PATJ: variants seen among roughly 807,000 people sequenced by gnomAD.
The protein encoded by PATJ is inaD-like protein.
PATJ carries 190 observed loss-of-function variants against 224.9 expected under a neutral mutation model. The observed-to-expected ratio is 0.84, with a 90% confidence interval of 0.75 to 0.95. PATJ has a LOEUF of 0.95. Ranked by LOEUF, PATJ falls within the 40% of genes least tolerant of loss-of-function variation. The pLI is 0.00. For missense variants in PATJ, 2,121 were observed against 2,270.3 expected (o/e 0.93, Z 1.34); for synonymous variants, 769 against 820.3 (o/e 0.94, Z 1.07).
chr1:61,954,371 A>G (rs1680133779), intron 27 of PATJ, among the ~76,000 whole-genome samples: 1 of 152,102 alleles, frequency 6.6e-6, no homozygotes, highest in South Asian at 2.1e-4. Context: ...TCTGTAGAGA[A>G]TTTACCTTTT....
At chr1:61,777,703 CTTTTTTTTTTTTTTT>C (rs66470863) in intron 7 of PATJ, among the ~76,000 whole-genome samples, 1 of 48,746 alleles carries the variant, frequency 2.1e-5, no homozygotes, top group Non-Finnish European at 3.2e-5. Context: ...TTCTTTCTTT[CTTTTTTTTTTTTTTT>C]TTTTTTTTTA....
At chr1:62,148,621 C>T (rs546779297) in intron 42 of PATJ, among the ~76,000 whole-genome samples, 129 of 152,288 alleles carry the variant, frequency 8.5e-4, no homozygotes, top group African/African-American at 3.1e-3. Context: ...TGACACAGTG[C>T]CTATGCCTGC....
intron 27 of PATJ, chr1:61,952,361 A>C: frequency 7.0e-6 from 5 of 715,094 alleles, no homozygotes; most frequent in Non-Finnish European, 1.3e-5. Context: ...ATTTGTCAGG[A>C]ATGCAGATAC....
In PATJ at chr1:61,761,315, C is replaced by T. The variant is rs76727894; in HGVS notation, c.-35-1543C>T. ...GATAAGTATATACATCTGTGTAAAC[C>T]ATACCCCCTTCAAGACACAATGTGT... On this transcript the variant is annotated intron_variant, in intron 1 of 43. Transcript: ENST00000642238. 3.3e-5 allele frequency among the ~76,000 whole-genome samples: 5 copies of T among 152,066 alleles called. No individual in the cohort carries two copies. In the South Asian group the frequency reaches 1.0e-3, roughly 32 times the overall value.
chr1:61,838,360 C>CTT (rs1286421381), intron 17 of PATJ, among the ~76,000 whole-genome samples: 7 of 143,046 alleles, frequency 4.9e-5, no homozygotes, highest in African/African-American at 1.3e-4. Context: ...TACTCTGTTT[C>CTT]TTTTTTTTTT....
At chr1:62,070,910 G>C (rs1657274468) in intron 31 of PATJ, among the ~76,000 whole-genome samples, 1 of 152,132 alleles carries the variant, frequency 6.6e-6, no homozygotes, top group African/African-American at 2.4e-5. Context: ...TAAGGACATA[G>C]GATGAGATTG....
Position 61,908,257 on chromosome 1 carries a change from C to G in PATJ, c.3382-115C>G, listed in dbSNP as rs190671217. 2.9e-5 allele frequency: 19 copies of G among 664,212 alleles called. No homozygotes were observed. In the Admixed American group the frequency reaches 4.0e-4, roughly 14 times the overall value. The allele number at this position is 664,212 out of a possible 1,614,324, so 41.1% of individuals were successfully genotyped here. A position where few individuals can be genotyped will look rare whatever the true frequency, so the allele number is the denominator to read the frequency against. On this transcript the variant is annotated intron_variant, in intron 24 of 43. Transcript: ENST00000642238. ...GCCAATCTTATTTTTTTCTGACCGT[C>G]TACTCATTAGACTCTGGTTGTTCTT... is the stretch of plus-strand genomic sequence containing the variant.
chr1:61,903,913 C>G (rs776997761), intron 24 of PATJ, among the ~76,000 whole-genome samples: 1 of 151,884 alleles, frequency 6.6e-6, no homozygotes, highest in African/African-American at 2.4e-5. Flanking sequence ...GCTAGGATTA[C>G]AGGCACCCAC....
chr1:62,038,672 T>G, intron 30 of PATJ: 1 of 252,254 alleles, frequency 4.0e-6, no homozygotes, highest in Non-Finnish European at 7.7e-6. Context: ...CCTAAGGAAG[T>G]TAACGTTCAC....
intron 29 of PATJ, among the ~76,000 whole-genome samples, chr1:62,025,848 G>C (rs984570478): frequency 1.3e-5 from 2 of 152,034 alleles, no homozygotes; most frequent in African/African-American, 4.8e-5. Context: ...TAAATAAAAG[G>C]CTCTCTTTGA....
rs1558191151 is a variant in PATJ, at chr1:62,116,665, GC to G, written c.4791del (p.Thr1598ProfsTer12). ...DMRNASQETVATILKCAQGLV... is the reference protein window; with the variant it reads ...DMRNASQETVXTILKCAQGLV... Reference sequence around the variant, plus strand: ...GAGAAATGCCTCACAGGAGACAGTGGCCACCATCCTCAAGGTGAGTTGCTAG... The same window carrying G: ...GAGAAATGCCTCACAGGAGACAGTGGCACCATCCTCAAGGTGAGTTGCTAG... On this transcript the variant is annotated frameshift_variant, in exon 36 of 44. Transcript: ENST00000642238. LOFTEE classifies it high-confidence loss of function. 6.2e-7 allele frequency: 1 copy of G among 1,610,130 alleles called. No homozygotes were observed. Among genetic ancestry groups the G allele is most frequent in the East Asian group, 2.2e-5 (1 of 44,824 alleles).
rs760506938 is a variant in PATJ at position 62,079,565 on chromosome 1, A to G, written c.4241A>G (p.Tyr1414Cys). 9 of 1,574,798 alleles carry G rather than the reference A, an allele frequency of 5.7e-6. No homozygotes were observed. The highest frequency in any genetic ancestry group is 3.3e-5 in the South Asian group (3 of 89,926). The change falls in exon 32 of 44, where the codon TAT (tyrosine) becomes TGT (cysteine). Residue 1414 changes from tyrosine (Y) to cysteine (C), a missense_variant and splice_region_variant. By Grantham distance (194) the Tyr-to-Cys change is radical. Transcript: ENST00000642238. ...YHSTDADFTG[Y>C]GGFQAPLSVD... ...TCAACAGATGCAGACTTCACAGGCT[A>G]TGGTATGATTCTTTCTCTCAGCAGA...
chr1:61,989,329 A>G (rs1316927030), intron 27 of PATJ, among the ~76,000 whole-genome samples: 1 of 152,234 alleles, frequency 6.6e-6, no homozygotes, highest in Non-Finnish European at 1.5e-5. Flanking sequence ...CAGATGAAAA[A>G]GTGGAACCTC....
At chr1:62,060,194 C>T (rs1298390009) in intron 31 of PATJ, among the ~76,000 whole-genome samples, 4 of 152,096 alleles carry the variant, frequency 2.6e-5, no homozygotes, top group Admixed American at 2.6e-4. Context: ...CACCTCTGTC[C>T]TTCCCGTAAT....
At chr1:61,913,547 T>C (rs955708328) in intron 25 of PATJ, among the ~76,000 whole-genome samples, 15 of 152,236 alleles carry the variant, frequency 9.9e-5, no homozygotes, top group Non-Finnish European at 2.1e-4. Flanking sequence ...CACCAGATTT[T>C]ATGCCAAGAT....
chr1:62,149,174 A>C (rs960560631), intron 42 of PATJ, among the ~76,000 whole-genome samples: 15 of 71,102 alleles, frequency 2.1e-4, no homozygotes, highest in African/African-American at 1.1e-3. Flanking sequence ...AGCATGTTTA[A>C]AGATGCGAAT....
At chr1:61,842,869 C>G (rs1557742501) in intron 17 of PATJ, among the ~76,000 whole-genome samples, 1 of 152,052 alleles carries the variant, frequency 6.6e-6, no homozygotes, top group Non-Finnish European at 1.5e-5. Flanking sequence ...TTCTGGAGTT[C>G]CCAGTTGAGT....
chr1:62,063,313 G>T (rs1447923179), intron 31 of PATJ, among the ~76,000 whole-genome samples: 2 of 152,182 alleles, frequency 1.3e-5, no homozygotes, highest in African/African-American at 4.8e-5. Context: ...TCAGTTGGTT[G>T]TAGGTGTGCA....
At chr1:61,751,346 C>T (rs1415375671) in intron 1 of PATJ, among the ~76,000 whole-genome samples, 1 of 152,008 alleles carries the variant, frequency 6.6e-6, no homozygotes, top group Non-Finnish European at 1.5e-5. Flanking sequence ...AGTGTACAGT[C>T]GGCAGTGCGG....
Sources: allele counts gnomAD v4.1 joint callset (sites outside exome capture counted in the v4.1 genomes callset), GRCh38; gene constraint gnomAD v4.1.1; transcripts MANE v1.5; gene names NCBI Gene and HGNC (gene_info 2026-07-23, HGNC 2026-07-21).